Variants in MAP4K3 observed in about 807,000 individuals in gnomAD.
MAP4K3 encodes the protein mitogen-activated protein kinase kinase kinase kinase 3, also known as MAPK/ERK kinase kinase kinase 3.
In MAP4K3, 94 loss-of-function variants were observed where a neutral mutation model predicts 143.5. The observed-to-expected ratio is 0.65, with a 90% CI of 0.55 to 0.78. The LOEUF is 0.78. MAP4K3 is among the 30% of genes least tolerant of loss of function. The pLI, the probability that MAP4K3 is intolerant of heterozygous loss-of-function variation, is 0.00. For synonymous variants in MAP4K3, 416 were observed against 347.2 expected (o/e 1.20, Z -2.20); for missense variants, 1,077 against 1,068.1 (o/e 1.01, Z -0.12).
intron 8 of MAP4K3, among the ~76,000 whole-genome samples, chr2:39,328,643 A>G (rs909367464): frequency 1.8e-4 from 27 of 152,306 alleles, no homozygotes; most frequent in African/African-American, 6.3e-4. Flanking sequence ...GTTTCTTACC[A>G]CCACAGCATA....
In MAP4K3 at chr2:39,284,801, G is replaced by A. The variant is rs182877260; in HGVS notation, c.1587+2051C>T. On this transcript the variant is annotated intron_variant, in intron 21 of 33. Transcript: ENST00000263881. ...GGAGGTTGCAGTGAGCCAAAATTGC[G>A]CCACTGCACTCTGGCCTGGGCGACA... Among the ~76,000 whole-genome samples the A allele has an allele frequency of 1.6e-3, 250 of 151,726 alleles. 3 individuals carry two copies. The highest frequency in any genetic ancestry group is 5.3e-3 in the African/African-American group (219 of 41,444).
At position 39,286,971 on chromosome 2, in the gene MAP4K3, T is replaced by C. The variant is rs761432552; in HGVS notation, c.1475-7A>G. 3.3e-6 allele frequency: 5 copies of C among 1,537,700 alleles called. No individual in the cohort carries two copies. The highest frequency in any genetic ancestry group is 4.5e-5 in the East Asian group (2 of 44,296). ...AAGGAGCTCATTCCATTTCCTTCAA[T>C]AAGATATATTCATTGAAAATGATTA... On this transcript the variant is annotated splice_region_variant and splice_polypyrimidine_tract_variant and intron_variant, in intron 20 of 33. Transcript: ENST00000263881.
intron 1 of MAP4K3, among the ~76,000 whole-genome samples, chr2:39,396,847 T>G (rs1666822621): frequency 6.6e-6 from 1 of 152,126 alleles, no homozygotes; most frequent in Admixed American, 6.5e-5. Context: ...AGCATCTCTC[T>G]TCACCTCTTA....
intron 1 of MAP4K3, among the ~76,000 whole-genome samples, chr2:39,391,358 CAAAAAAAA>C (rs755777714): frequency 1.1e-3 from 50 of 45,432 alleles, no homozygotes; most frequent in Non-Finnish European, 1.8e-3. Flanking sequence ...GACTCCATCT[CAAAAAAAA>C]AAAAAAAAAA....
intron 2 of MAP4K3, among the ~76,000 whole-genome samples, chr2:39,375,122 C>T (rs1666182413): frequency 6.6e-6 from 1 of 152,030 alleles, no homozygotes; most frequent in African/African-American, 2.4e-5. Context: ...AGCTGGGTGT[C>T]ATGTCATACG....
intron 1 of MAP4K3, chr2:39,436,645 C>A (rs1665491188): frequency 1.9e-6 from 1 of 534,998 alleles, no homozygotes; most frequent in South Asian, 2.1e-5. Flanking sequence ...GAAATGCGCG[C>A]AAGAAGGGAG....
chr2:39,346,589 T>C (rs1440706807), intron 3 of MAP4K3, among the ~76,000 whole-genome samples: 1 of 152,144 alleles, frequency 6.6e-6, no homozygotes, highest in Non-Finnish European at 1.5e-5. Flanking sequence ...TAAAGTATCC[T>C]AATTGGAAAT....
chr2:39,292,832 T>C lies in MAP4K3; in HGVS notation c.1218-6A>G, dbSNP rs1411620595. On this transcript the variant is annotated splice_region_variant and splice_polypyrimidine_tract_variant and intron_variant, in intron 17 of 33. Transcript: ENST00000263881. ...CTAAATGTGCGACGTGTCCTCTAAA[T>C]AAAAAGGATAATGTCATTGTTATTA... 6.2e-7 allele frequency: 1 copy of C among 1,608,392 alleles called. No homozygotes were observed. Among genetic ancestry groups the C allele is most frequent in the South Asian group, 1.1e-5 (1 of 90,928 alleles).
chr2:39,358,029 T>A (rs1471157429), intron 2 of MAP4K3, among the ~76,000 whole-genome samples: 1 of 152,162 alleles, frequency 6.6e-6, no homozygotes, highest in East Asian at 1.9e-4. Flanking sequence ...AAAGTTAACA[T>A]GTGGAAAGCA....
intron 1 of MAP4K3, among the ~76,000 whole-genome samples, chr2:39,385,239 TTAACC>T (rs1666464642): frequency 6.6e-6 from 1 of 152,144 alleles, no homozygotes; most frequent in Admixed American, 6.5e-5. Flanking sequence ...AGGTATATGT[TTAACC>T]TTATAAGAAA....
At chr2:39,308,265 C>A (rs981199884) in intron 14 of MAP4K3, among the ~76,000 whole-genome samples, 6 of 152,182 alleles carry the variant, frequency 3.9e-5, no homozygotes, top group Admixed American at 1.3e-4. Context: ...TAAACTCAAA[C>A]TGCCTTAACA....
chr2:39,391,528 C>A (rs115671044), intron 1 of MAP4K3, among the ~76,000 whole-genome samples: 2,028 of 152,160 alleles, frequency 0.013, 19 homozygotes, highest in Middle Eastern at 0.054. Context: ...TGACTAAGGA[C>A]CCCTAAAAGC....
intron 6 of MAP4K3, among the ~76,000 whole-genome samples, chr2:39,334,764 G>C (rs1683805821): frequency 1.3e-5 from 2 of 152,056 alleles, no homozygotes; most frequent in African/African-American, 4.8e-5. Flanking sequence ...AAGCTCTGGG[G>C]TTACAATAAT....
At chr2:39,373,454 G>A (rs540955669) in intron 2 of MAP4K3, among the ~76,000 whole-genome samples, 1 of 151,966 alleles carries the variant, frequency 6.6e-6, no homozygotes, top group East Asian at 1.9e-4. Flanking sequence ...TCAAAAGAAA[G>A]GAAATGAGTA....
chr2:39,286,892 C>G lies in MAP4K3; in HGVS notation c.1547G>C (p.Arg516Thr), dbSNP rs1681801514. Residue 516 changes from arginine (R) to threonine (T), a missense_variant, in exon 21 of 34, where the codon AGA becomes ACA. Physicochemically the swap from Arg to Thr is moderately conservative, Grantham distance 71. Around this residue, in one of 2 missense-constraint regions of MAP4K3, gnomAD observed 864 missense variants for 801.2 expected, o/e 1.08. Coordinates refer to ENST00000263881, the MANE Select transcript of MAP4K3 (RefSeq NM_003618.4). ...GSLCQQQNEHRGTNLSRKEKK... is the reference protein window; with the variant it reads ...GSLCQQQNEHTGTNLSRKEKK... ...TTCTTTTCTTGAAAGGTTTGTGCCTCTATGTTCATTCTGTTGTTGACATAA... is the reference window on the plus strand; with the variant it reads ...TTCTTTTCTTGAAAGGTTTGTGCCTGTATGTTCATTCTGTTGTTGACATAA... 3 of 1,610,424 alleles carry G rather than the reference C, an allele frequency of 1.9e-6. No individual in the cohort carries two copies. The highest frequency in any genetic ancestry group is 4.5e-5 in the East Asian group (2 of 44,718).
At chr2:39,389,367 A>C (rs554249409) in intron 1 of MAP4K3, among the ~76,000 whole-genome samples, 1 of 152,266 alleles carries the variant, frequency 6.6e-6, no homozygotes, top group Admixed American at 6.5e-5. Context: ...GAAGGAAGAG[A>C]GAACCAATAT....
At chr2:39,386,019 C>A (rs542330737) in intron 1 of MAP4K3, among the ~76,000 whole-genome samples, 10 of 152,256 alleles carry the variant, frequency 6.6e-5, no homozygotes, top group Non-Finnish European at 1.3e-4. Context: ...TGCTCCCTAC[C>A]AAATTCATAT....
At chr2:39,282,686 G>T in intron 21 of MAP4K3, 132 bp from the exon 22 acceptor site, 1 of 633,988 alleles carries the variant, frequency 1.6e-6, no homozygotes, top group Non-Finnish European at 2.7e-6. Context: ...TACAGTTAAG[G>T]CTGAAGTTCC....
At chr2:39,415,984 T>TATATAC (rs1158218626) in intron 1 of MAP4K3, among the ~76,000 whole-genome samples, 3 of 30,008 alleles carry the variant, frequency 1.0e-4, no homozygotes, top group Non-Finnish European at 2.2e-4. Flanking sequence ...AAAAAAAATA[T>TATATAC]ATATATATAT....
Sources: gnomAD v4.1 joint callset for allele counts (sites outside exome capture counted in the v4.1 genomes callset) on GRCh38, gnomAD v4.1.1 for gene constraint, gnomAD v4.1.1 regional missense constraint, MANE v1.5 for transcripts, NCBI Gene and HGNC (gene_info 2026-07-23, HGNC 2026-07-21) for gene names.